Variants in NAALADL2 observed in about 807,000 individuals in gnomAD.
NAALADL2 encodes the protein N-acetylated alpha-linked acidic dipeptidase like 2.
A neutral mutation model predicts 87.2 loss-of-function variants in NAALADL2; 76 were observed. That is an observed-to-expected ratio of 0.87 (90% CI 0.72 to 1.05). NAALADL2 has a LOEUF of 1.05. NAALADL2 is among the 50% of genes least tolerant of loss of function. The pLI is 0.00. For synonymous variants in NAALADL2, 354 were observed against 331.0 expected (o/e 1.07, Z -0.75); for missense variants, 1,089 against 945.8 (o/e 1.15, Z -1.99).
chr3:174,988,576 A>C (rs1299183355), intron 1 of NAALADL2, among the ~76,000 whole-genome samples: 1 of 152,188 alleles, frequency 6.6e-6, no homozygotes, highest in Non-Finnish European at 1.5e-5. Context: ...TGAGGGTAGA[A>C]GCCCATGATC....
chr3:174,886,322 A>AT (rs751857787), intron 1 of NAALADL2, among the ~76,000 whole-genome samples: 16 of 151,570 alleles, frequency 1.1e-4, no homozygotes, highest in Non-Finnish European at 2.1e-4. Context: ...CTCTTTTTAT[A>AT]TTTTTTCTGC....
chr3:175,178,783 C>A (rs1337193419), intron 2 of NAALADL2, among the ~76,000 whole-genome samples: 2 of 151,814 alleles, frequency 1.3e-5, no homozygotes, highest in African/African-American at 4.8e-5. Context: ...TGCTTGAAAT[C>A]TTTAAGCTAT....
intron 1 of NAALADL2, among the ~76,000 whole-genome samples, chr3:174,907,396 T>C (rs773656452): frequency 3.3e-5 from 5 of 152,146 alleles, no homozygotes; most frequent in African/African-American, 4.8e-5. Flanking sequence ...TGGTTGAAGA[T>C]GCTAAGAAGT....
In NAALADL2 at chr3:175,803,766, G is replaced by C. The variant is rs1420915235; in HGVS notation, c.*563G>C. Reference sequence around the variant, plus strand: ...CACAACTAGATGTAGTAATACACTGGTTATGAAATTGTATTTTTTTAAGTA... The same window carrying C: ...CACAACTAGATGTAGTAATACACTGCTTATGAAATTGTATTTTTTTAAGTA... On this transcript the variant is annotated 3_prime_UTR_variant, in exon 14 of 14. Transcript: ENST00000454872. 1 of 152,246 alleles carries C rather than the reference G, an allele frequency of 6.6e-6. No homozygotes were observed. Among genetic ancestry groups the C allele is most frequent in the Non-Finnish European group, 1.5e-5 (1 of 67,894 alleles). 9.4% of individuals were successfully genotyped at this position (152,246 alleles called of 1,614,324 possible).
chr3:175,323,215 A>T (rs1406980347), intron 4 of NAALADL2, among the ~76,000 whole-genome samples: 1 of 150,008 alleles, frequency 6.7e-6, no homozygotes, highest in Non-Finnish European at 1.5e-5. Flanking sequence ...GGAAACCATC[A>T]TTCTCAGTAA....
In NAALADL2 at chr3:174,817,018, C is replaced by G. The variant is rs1012808123; in HGVS notation, c.-9+79272C>G. ...TCTATGTCTTCAGTCACTGGGTGTT[C>G]TACAACAGGCAGGAACTTAAAGCAG... On this transcript the variant is annotated intron_variant, in intron 3 of 3. Coordinates refer to the NAALADL2 transcript ENST00000434257. 4.9e-4 allele frequency among the ~76,000 whole-genome samples: 74 copies of G among 152,228 alleles called. 2 individuals are homozygous for G. Among genetic ancestry groups the G allele is most frequent in the Admixed American group, 4.8e-3 (74 of 15,278 alleles).
chr3:174,948,261 C>G (rs1031043205), intron 1 of NAALADL2, among the ~76,000 whole-genome samples: 2 of 152,082 alleles, frequency 1.3e-5, no homozygotes, highest in Admixed American at 1.3e-4. Context: ...ACTGCAACTT[C>G]CACCTCCCGG....
rs1326687342 is a variant in NAALADL2, at chr3:174,962,381, T to TATATATGTCATAGTGACTATGAC, written c.43+102937_43+102938insGTCATAGTGACTATGACATATAT. On this transcript the variant is annotated intron_variant, in intron 1 of 13. Transcript: ENST00000454872. ...TCATAGTGACTATGACATATATATA[T>TATATATGTCATAGTGACTATGAC]ATATATATATATATGTCATAGTGAC... Among the ~76,000 whole-genome samples the TATATATGTCATAGTGACTATGAC allele has an allele frequency of 1.5e-3, 175 of 114,848 alleles. 12 individuals carry two copies. The highest frequency in any genetic ancestry group is 8.0e-3 in the African/African-American group (167 of 20,798). The allele number at this position is 114,848 out of a possible 152,430, so 75.3% of individuals were successfully genotyped here.
intron 5 of NAALADL2, among the ~76,000 whole-genome samples, chr3:175,416,836 T>G (rs1207415175): frequency 2.6e-5 from 4 of 152,010 alleles, no homozygotes; most frequent in African/African-American, 9.7e-5. Context: ...AAACTGCAAT[T>G]CTATGATACG....
At chr3:174,669,893 G>T (rs1726361625) in intron 2 of NAALADL2, among the ~76,000 whole-genome samples, 1 of 151,756 alleles carries the variant, frequency 6.6e-6, no homozygotes, top group Non-Finnish European at 1.5e-5. Flanking sequence ...TCTCTTATTT[G>T]TGTCTTTTTT....
intron 3 of NAALADL2, among the ~76,000 whole-genome samples, chr3:174,851,134 A>C (rs1052570895): frequency 6.6e-6 from 1 of 152,066 alleles, no homozygotes; most frequent in Non-Finnish European, 1.5e-5. Flanking sequence ...GGAAGCTTAG[A>C]ACAATAAATG....
chr3:174,571,504 C>T (rs950880823), intron 2 of NAALADL2, among the ~76,000 whole-genome samples: 10 of 152,170 alleles, frequency 6.6e-5, no homozygotes, highest in East Asian at 1.9e-4. Flanking sequence ...CTCAGCCTCC[C>T]GAGTAGCTGG....
chr3:174,748,136 G>A (rs963214746), intron 3 of NAALADL2, among the ~76,000 whole-genome samples: 2 of 151,828 alleles, frequency 1.3e-5, no homozygotes, highest in Non-Finnish European at 2.9e-5. Context: ...ACAGGGAGGG[G>A]AACAACACAC....
At chr3:174,564,603 C>T (rs1401509699) in intron 2 of NAALADL2, among the ~76,000 whole-genome samples, 2 of 152,044 alleles carry the variant, frequency 1.3e-5, no homozygotes, top group East Asian at 3.9e-4. Flanking sequence ...GTGTGTCAGT[C>T]TCTTTTAATG....
intron 3 of NAALADL2, among the ~76,000 whole-genome samples, chr3:174,790,618 A>T (rs1012499691): frequency 2.0e-5 from 3 of 149,128 alleles, no homozygotes; most frequent in Non-Finnish European, 4.4e-5. Context: ...ACTGCACTCC[A>T]GCCTAGGTGA....
intron 1 of NAALADL2, among the ~76,000 whole-genome samples, chr3:175,026,323 C>T (rs1752218718): frequency 6.6e-6 from 1 of 151,436 alleles, no homozygotes; most frequent in East Asian, 1.9e-4. Flanking sequence ...AATATTGTGC[C>T]ACAAGTGAGC....
intron 1 of NAALADL2, among the ~76,000 whole-genome samples, chr3:175,037,920 C>G (rs928967901): frequency 1.3e-5 from 2 of 152,036 alleles, no homozygotes; most frequent in Non-Finnish European, 2.9e-5. Context: ...GCCTCTGCTG[C>G]CTGGAAGGGA....
At chr3:175,513,607 T>C (rs1264295450) in intron 9 of NAALADL2, among the ~76,000 whole-genome samples, 1 of 152,236 alleles carries the variant, frequency 6.6e-6, no homozygotes, top group Non-Finnish European at 1.5e-5. Flanking sequence ...AACAAGCTTT[T>C]ACATTTATGA....
intron 3 of NAALADL2, among the ~76,000 whole-genome samples, chr3:174,780,110 A>G (rs1231484375): frequency 6.6e-6 from 1 of 152,190 alleles, no homozygotes; most frequent in Non-Finnish European, 1.5e-5. Context: ...TGAGCATGGA[A>G]TATTTTTCCA....
Sources: gnomAD v4.1 joint callset for allele counts (sites outside exome capture counted in the v4.1 genomes callset) on GRCh38, gnomAD v4.1.1 for gene constraint, MANE v1.5 for transcripts, NCBI Gene and HGNC (gene_info 2026-07-23, HGNC 2026-07-21) for gene names.